ANKRD33B: variants seen among roughly 807,000 people sequenced by gnomAD.
ANKRD33B encodes the protein ankyrin repeat domain 33B.
Under a neutral mutation model 21.5 loss-of-function variants are expected in ANKRD33B, and 6 were observed. That is an observed-to-expected ratio of 0.28 (90% CI 0.15 to 0.55). ANKRD33B has a LOEUF of 0.55. Ranked by LOEUF, ANKRD33B falls within the 20% of genes least tolerant of loss-of-function variation. The pLI, the probability that ANKRD33B is intolerant of heterozygous loss-of-function variation, is 0.94. For synonymous variants in ANKRD33B, 347 were observed against 342.4 expected (o/e 1.01, Z -0.15); for missense variants, 698 against 747.2 (o/e 0.93, Z 0.77).
chr5:10,649,683 G>A lies in ANKRD33B; in HGVS notation c.1055G>A (p.Arg352Gln), dbSNP rs767725080. The A allele has an allele frequency of 1.0e-5, 16 of 1,524,448 alleles. No homozygotes were observed. The highest frequency in any genetic ancestry group is 1.3e-5 in the Non-Finnish European group (15 of 1,141,066). 94.4% of individuals were successfully genotyped at this position (1,524,448 alleles called of 1,614,324 possible). The change falls in exon 4 of 4, where the codon CGG becomes CAG. Residue 352 changes from arginine to glutamine, a missense_variant. Arg to Gln is a conservative substitution (Grantham distance 43). Transcript: ENST00000296657. Reference protein sequence around the residue: ...VQEILAARAARGPQAQEEDEV... With the variant: ...VQEILAARAAQGPQAQEEDEV... Reference sequence around the variant, plus strand: ...GAGATCCTGGCGGCGCGGGCTGCACGGGGCCCCCAGGCGCAGGAGGAGGAT... The same window carrying A: ...GAGATCCTGGCGGCGCGGGCTGCACAGGGCCCCCAGGCGCAGGAGGAGGAT...
At chr5:10,644,833 T>G (rs1182242681) in intron 3 of ANKRD33B, among the ~76,000 whole-genome samples, 1 of 152,158 alleles carries the variant, frequency 6.6e-6, no homozygotes, top group Non-Finnish European at 1.5e-5. Context: ...AGACAAGGAC[T>G]TGGGGGCAAG....
Position 10,638,071 on chromosome 5 carries a change from T to C in ANKRD33B, c.540T>C (p.Gly180=), listed in dbSNP as rs1481661889. The C allele has an allele frequency of 1.3e-6, 2 of 1,537,574 alleles. No homozygotes were observed. Among genetic ancestry groups the C allele is most frequent in the Non-Finnish European group, 1.7e-6 (2 of 1,146,950 alleles). The change falls in exon 3 of 4, where the codon GGT becomes GGC. Residue 180 remains glycine (G), a synonymous_variant. Coordinates refer to ENST00000296657, the MANE Select transcript of ANKRD33B (RefSeq NM_001164440.2). ...ACTACTTGTTGAACTATTTCCCTGGTCTTGACCTTGAAAGGAGGAACGCGT... is the reference window on the plus strand; with the variant it reads ...ACTACTTGTTGAACTATTTCCCTGGCCTTGACCTTGAAAGGAGGAACGCGT... The part of the protein sequence containing the change: ...ITNYLLNYFP[G]LDLERRNAFG...
intron 2 of ANKRD33B, among the ~76,000 whole-genome samples, chr5:10,622,496 A>G (rs1043967763): frequency 6.6e-6 from 1 of 152,176 alleles, no homozygotes; most frequent in African/African-American, 2.4e-5. Flanking sequence ...AATTTTTTTA[A>G]CTTTATGCAG....
At chr5:10,618,773 G>C (rs778685342) in intron 2 of ANKRD33B, among the ~76,000 whole-genome samples, 4 of 152,194 alleles carry the variant, frequency 2.6e-5, no homozygotes, top group Non-Finnish European at 5.9e-5. Flanking sequence ...GAAGACTGGG[G>C]GTGGCACGAG....
At chr5:10,567,912 G>C (rs1451135521) in intron 1 of ANKRD33B, among the ~76,000 whole-genome samples, 2 of 152,194 alleles carry the variant, frequency 1.3e-5, no homozygotes, top group Non-Finnish European at 2.9e-5. Context: ...ACAGCTCACA[G>C]ATACAGCCCA....
At chr5:10,609,960 A>G (rs536479488) in intron 1 of ANKRD33B, among the ~76,000 whole-genome samples, 2 of 152,304 alleles carry the variant, frequency 1.3e-5, no homozygotes, top group South Asian at 4.1e-4. Context: ...TGAGGAAAAG[A>G]CAAAGAAGCC....
rs956900858 is a variant in ANKRD33B, at chr5:10,655,612, G to C, written c.*5499G>C. 4 of 152,388 alleles carry C rather than the reference G, an allele frequency of 2.6e-5. No individual in the cohort carries two copies. The highest frequency in any genetic ancestry group is 5.9e-5 in the Non-Finnish European group (4 of 68,066). The allele number at this position is 152,388 out of a possible 1,614,324, so 9.4% of individuals were successfully genotyped here. A position where few individuals can be genotyped will look rare whatever the true frequency, so the allele number is the denominator to read the frequency against. ...CGTCCTGACACAGCTCGCTGTTCCT[G>C]CGGTGGTCAGAGTCCCCCTGTGCTG... On this transcript the variant is annotated 3_prime_UTR_variant, in exon 4 of 4. Coordinates refer to ENST00000296657, the MANE Select transcript of ANKRD33B (RefSeq NM_001164440.2).
At position 10,569,153 on chromosome 5, in the gene ANKRD33B, G is replaced by A. The variant is rs774475111; in HGVS notation, c.366+4320G>A. 3.0e-4 allele frequency among the ~76,000 whole-genome samples: 45 copies of A among 152,218 alleles called. 1 individual carries two copies. The highest frequency in any genetic ancestry group is 1.0e-3 in the South Asian group (5 of 4,822). ...CAGCCCTCCGTCTTTACCAGGCCTCGGTGCTCATGGCCTGCGTGTGCACAG... is the reference window on the plus strand; with the variant it reads ...CAGCCCTCCGTCTTTACCAGGCCTCAGTGCTCATGGCCTGCGTGTGCACAG... On this transcript the variant is annotated intron_variant, in intron 1 of 3. Coordinates refer to ENST00000296657, the MANE Select transcript of ANKRD33B (RefSeq NM_001164440.2).
intron 1 of ANKRD33B, among the ~76,000 whole-genome samples, chr5:10,607,989 TCAC>T (rs1736086985): frequency 6.6e-6 from 1 of 152,140 alleles, no homozygotes; most frequent in South Asian, 2.1e-4. Flanking sequence ...ACAATCTTCA[TCAC>T]CACTCCTTCT....
chr5:10,618,401 C>T lies in ANKRD33B; in HGVS notation c.435C>T (p.His145=), dbSNP rs945653470. The change falls in exon 2 of 4, where the codon CAC becomes CAT. Residue 145 remains histidine, a synonymous_variant. Transcript: ENST00000296657. ...TGGTGGCCTTAGCAGAGTGCCCCCACGTTGACGTCAACTGGCAGGACAGCG... is the reference window on the plus strand; with the variant it reads ...TGGTGGCCTTAGCAGAGTGCCCCCATGTTGACGTCAACTGGCAGGACAGCG... ...DTVVALAECP[H]VDVNWQDSEG... is the part of the protein sequence containing the mutation. The T allele has an allele frequency of 1.4e-5, 21 of 1,537,716 alleles. No homozygotes were observed. The highest frequency in any genetic ancestry group is 7.3e-5 in the East Asian group (3 of 41,050).
In ANKRD33B at chr5:10,650,162, C is replaced by G; in HGVS notation, c.*49C>G. On this transcript the variant is annotated 3_prime_UTR_variant, in exon 4 of 4. Coordinates refer to ENST00000296657, the MANE Select transcript of ANKRD33B (RefSeq NM_001164440.2). ...GCCGGGGCTGGGGCCGGGGCGGGGCCGCAGGGCTGGGCGCGGAGAAGGAGG... is the reference window on the plus strand; with the variant it reads ...GCCGGGGCTGGGGCCGGGGCGGGGCGGCAGGGCTGGGCGCGGAGAAGGAGG... The G allele has an allele frequency of 7.1e-7, 1 of 1,415,746 alleles. No individual in the cohort carries two copies. 87.7% of individuals were successfully genotyped at this position (1,415,746 alleles called of 1,614,324 possible). A position where few individuals can be genotyped will look rare whatever the true frequency, so the allele number is the denominator to read the frequency against.
intron 3 of ANKRD33B, among the ~76,000 whole-genome samples, chr5:10,643,554 G>A (rs1013378214): frequency 6.6e-6 from 1 of 152,128 alleles, no homozygotes; most frequent in Admixed American, 6.5e-5. Flanking sequence ...GGTGGCCCAC[G>A]TCTGTAATCT....
Position 10,638,024 on chromosome 5 carries a change from ACAGGG to A in ANKRD33B, c.497-1_500del. 6.5e-7 allele frequency: 1 copy of A among 1,537,382 alleles called. No homozygotes were observed. Among genetic ancestry groups the A allele is most frequent in the Non-Finnish European group, 8.7e-7 (1 of 1,146,860 alleles). Reference sequence around the variant, plus strand: ...CCAATACACGTGTACACTTCTCTTTACAGGGCACGCTATCATCACTAACTACTTGT... The same window carrying A: ...CCAATACACGTGTACACTTCTCTTTACACGCTATCATCACTAACTACTTGT... On this transcript the variant is annotated splice_acceptor_variant and splice_polypyrimidine_tract_variant and coding_sequence_variant and intron_variant, in exon 3 of 4. Coordinates refer to ENST00000296657, the MANE Select transcript of ANKRD33B (RefSeq NM_001164440.2). LOFTEE classifies it high-confidence loss of function.
intron 2 of ANKRD33B, among the ~76,000 whole-genome samples, chr5:10,632,715 G>A (rs1283963217): frequency 6.6e-6 from 1 of 152,250 alleles, no homozygotes; most frequent in African/African-American, 2.4e-5. Context: ...ACAGCCAGCT[G>A]TGAATCATGG....
chr5:10,650,425 T>C lies in ANKRD33B; in HGVS notation c.*312T>C. The C allele has an allele frequency of 9.7e-6, 2 of 206,818 alleles. No homozygotes were observed. The highest frequency in any genetic ancestry group is 1.9e-5 in the Non-Finnish European group (2 of 104,218). 12.8% of individuals were successfully genotyped at this position (206,818 alleles called of 1,614,324 possible). A position where few individuals can be genotyped will look rare whatever the true frequency, so the allele number is the denominator to read the frequency against. ...AATTTATCAAAGGGCGTTTTCTCCG[T>C]AATTTTGTATTTTTAATCATTATTT... On this transcript the variant is annotated 3_prime_UTR_variant, in exon 4 of 4. Transcript: ENST00000296657.
intron 2 of ANKRD33B, among the ~76,000 whole-genome samples, chr5:10,632,990 G>T (rs1736763196): frequency 6.6e-6 from 1 of 151,490 alleles, no homozygotes; most frequent in Non-Finnish European, 1.5e-5. Flanking sequence ...GTTTCCCCAT[G>T]TTGGCCAGGC....
chr5:10,611,808 G>T (rs1484562717), intron 1 of ANKRD33B, among the ~76,000 whole-genome samples: 1 of 152,180 alleles, frequency 6.6e-6, no homozygotes, highest in Non-Finnish European at 1.5e-5. Flanking sequence ...TGAACTCCTG[G>T]GGAGTCCCTT....
chr5:10,623,276 G>A (rs943307138), intron 2 of ANKRD33B, among the ~76,000 whole-genome samples: 9 of 152,172 alleles, frequency 5.9e-5, no homozygotes, highest in Admixed American at 4.6e-4. Context: ...CCGGAATTTT[G>A]CAGGGTTCAC....
intron 1 of ANKRD33B, among the ~76,000 whole-genome samples, chr5:10,590,818 A>G (rs1185351311): frequency 6.6e-6 from 1 of 152,052 alleles, no homozygotes; most frequent in Admixed American, 6.6e-5. Flanking sequence ...AGCCTTACTC[A>G]GCAAATGCCC....
Sources: allele counts gnomAD v4.1 joint callset (sites outside exome capture counted in the v4.1 genomes callset), GRCh38; gene constraint gnomAD v4.1.1; transcripts MANE v1.5; gene names NCBI Gene and HGNC (gene_info 2026-07-23, HGNC 2026-07-21).